The following HS6ST3 variants were observed in gnomAD, a reference collection of about 807,000 sequenced individuals.
HS6ST3 encodes heparan sulfate 6-O-sulfotransferase 3.
In HS6ST3, 12 loss-of-function variants were observed where a neutral mutation model predicts 36.7. That is an observed-to-expected ratio of 0.33 (90% CI 0.21 to 0.53). HS6ST3 has a LOEUF of 0.53. Ranked by LOEUF, HS6ST3 falls within the 20% of genes least tolerant of loss-of-function variation. The pLI, the probability that HS6ST3 is intolerant of heterozygous loss-of-function variation, is 0.95. For missense variants in HS6ST3, 584 were observed against 640.9 expected, an observed-to-expected ratio of 0.91 and a Z score of 0.96; for synonymous variants, 240 against 257.5, an observed-to-expected ratio of 0.93 and a Z score of 0.65.
chr13:96,332,795 A>G (rs1434709043), intron 1 of HS6ST3, among the ~76,000 whole-genome samples: 1 of 152,258 alleles, frequency 6.6e-6, no homozygotes, highest in Non-Finnish European at 1.5e-5. Context: ...TTCATCAGAA[A>G]CACATAATAC....
At position 96,463,478 on chromosome 13, in the gene HS6ST3, G is replaced by C. The variant is rs577932659; in HGVS notation, c.708-369012G>C. Among the ~76,000 whole-genome samples the C allele has an allele frequency of 2.0e-5, 3 of 152,136 alleles. No homozygotes were observed. In the South Asian group the frequency reaches 6.2e-4, roughly 32 times the overall value. On this transcript the variant is annotated intron_variant, in intron 1 of 1. Coordinates refer to ENST00000376705, the MANE Select transcript of HS6ST3 (RefSeq NM_153456.4). ...AATTAAAAAATTTAAAAGTGAAAGA[G>C]AAAACTATAAAATGTTTAGAGGAAA...
chr13:96,616,792 T>C, intron 1 of HS6ST3, among the ~76,000 whole-genome samples: 1 of 152,238 alleles, frequency 6.6e-6, no homozygotes. Flanking sequence ...TGGCTAATTC[T>C]TTGAAGGCTG....
intron 1 of HS6ST3, among the ~76,000 whole-genome samples, chr13:96,158,031 T>C (rs2139326971): frequency 6.6e-6 from 1 of 152,284 alleles, no homozygotes; most frequent in South Asian, 2.1e-4. Context: ...ACAAAGTGGT[T>C]TGGGAACATC....
intron 1 of HS6ST3, among the ~76,000 whole-genome samples, chr13:96,292,380 C>G (rs2054834406): frequency 6.6e-6 from 1 of 151,866 alleles, no homozygotes; most frequent in Non-Finnish European, 1.5e-5. Flanking sequence ...AATTTTATTT[C>G]TTTGAGCCGT....
intron 1 of HS6ST3, among the ~76,000 whole-genome samples, chr13:96,700,351 C>T (rs1358791194): frequency 6.6e-6 from 1 of 152,020 alleles, no homozygotes; most frequent in Non-Finnish European, 1.5e-5. Flanking sequence ...ATGGGGGAAA[C>T]CGCCCCCATG....
At chr13:96,380,712 A>G (rs772395521) in intron 1 of HS6ST3, among the ~76,000 whole-genome samples, 1 of 152,250 alleles carries the variant, frequency 6.6e-6, no homozygotes, top group Non-Finnish European at 1.5e-5. Flanking sequence ...ATAGTTTTGG[A>G]TAAAGTAGCT....
intron 1 of HS6ST3, among the ~76,000 whole-genome samples, chr13:96,657,074 G>A (rs951969419): frequency 6.6e-6 from 1 of 151,252 alleles, no homozygotes; most frequent in Non-Finnish European, 1.5e-5. Context: ...CCACACCTGG[G>A]ATGTGCCTCA....
intron 1 of HS6ST3, among the ~76,000 whole-genome samples, chr13:96,233,702 G>A (rs1384766367): frequency 2.0e-5 from 3 of 152,168 alleles, no homozygotes; most frequent in Non-Finnish European, 2.9e-5. Context: ...TTACCTGGGA[G>A]CTTCACTCAG....
intron 1 of HS6ST3, among the ~76,000 whole-genome samples, chr13:96,133,432 C>CT (rs377149395): frequency 5.3e-5 from 8 of 150,528 alleles, no homozygotes; most frequent in African/African-American, 2.0e-4. Context: ...GACCTATTAT[C>CT]TTTTTTTTGA....
chr13:96,786,243 C>G (rs184967684), intron 1 of HS6ST3, among the ~76,000 whole-genome samples: 221 of 152,244 alleles, frequency 1.5e-3, no homozygotes, highest in African/African-American at 5.0e-3. Context: ...CTCAAATGTC[C>G]CATTCTTCTC....
chr13:96,565,205 T>C (rs1193703522), intron 1 of HS6ST3, among the ~76,000 whole-genome samples: 1 of 152,068 alleles, frequency 6.6e-6, no homozygotes, highest in African/African-American at 2.4e-5. Flanking sequence ...AGGCAATAGC[T>C]GAGAAGACAC....
intron 1 of HS6ST3, among the ~76,000 whole-genome samples, chr13:96,565,162 A>T (rs956922761): frequency 1.3e-5 from 2 of 152,134 alleles, no homozygotes; most frequent in African/African-American, 2.4e-5. Context: ...TTAATGGGGC[A>T]TTAACCCACA....
intron 1 of HS6ST3, among the ~76,000 whole-genome samples, chr13:96,251,006 C>T (rs1432889982): frequency 1.3e-5 from 2 of 152,094 alleles, no homozygotes; most frequent in African/African-American, 2.4e-5. Context: ...ATTTTGTTCT[C>T]GATTTCTGCT....
intron 1 of HS6ST3, among the ~76,000 whole-genome samples, chr13:96,363,500 C>T (rs2055249119): frequency 6.6e-6 from 1 of 152,018 alleles, no homozygotes; most frequent in Non-Finnish European, 1.5e-5. Context: ...TCTACCATAA[C>T]AAAAAACACT....
At chr13:96,417,550 A>ATTATC (rs1268360634) in intron 1 of HS6ST3, among the ~76,000 whole-genome samples, 1 of 151,430 alleles carries the variant, frequency 6.6e-6, no homozygotes, top group Non-Finnish European at 1.5e-5. Flanking sequence ...ACCATTATCT[A>ATTATC]TAGAGGGCCC....
At chr13:96,822,550 C>G (rs945486056) in intron 1 of HS6ST3, among the ~76,000 whole-genome samples, 2 of 152,170 alleles carry the variant, frequency 1.3e-5, no homozygotes, top group Non-Finnish European at 2.9e-5. Flanking sequence ...TCACAGGTTT[C>G]CTGTCAATAT....
chr13:96,242,906 A>G (rs1005359341), intron 1 of HS6ST3, among the ~76,000 whole-genome samples: 5 of 152,320 alleles, frequency 3.3e-5, no homozygotes, highest in Admixed American at 6.5e-5. Flanking sequence ...AGTATTTTTC[A>G]CAGTAGCCAA....
intron 1 of HS6ST3, among the ~76,000 whole-genome samples, chr13:96,541,026 A>C (rs1425808812): frequency 6.6e-6 from 1 of 152,002 alleles, no homozygotes; most frequent in Admixed American, 6.6e-5. Context: ...TTTGTTTATT[A>C]ATTTATTTTT....
At chr13:96,418,126 C>A (rs1594775820) in intron 1 of HS6ST3, among the ~76,000 whole-genome samples, 1 of 152,162 alleles carries the variant, frequency 6.6e-6, no homozygotes, top group Middle Eastern at 3.4e-3. Context: ...TGCTTGAGAC[C>A]ATTTTAGATA....
Sources: allele counts gnomAD v4.1 joint callset (sites outside exome capture counted in the v4.1 genomes callset), GRCh38; gene constraint gnomAD v4.1.1; transcripts MANE v1.5; gene names NCBI Gene and HGNC (gene_info 2026-07-23, HGNC 2026-07-21).